Variants in CEP85L observed in about 807,000 individuals in gnomAD.
CEP85L encodes the protein centrosomal protein of 85 kDa-like.
CEP85L carries 60 observed loss-of-function variants against 100.3 expected under a neutral mutation model. The observed-to-expected ratio is 0.60, with a 90% CI of 0.49 to 0.74. The LOEUF is 0.74. Among genes scored for constraint, CEP85L ranks in the 30% least tolerant of loss-of-function variants. CEP85L has a pLI of 0.00. For synonymous variants in CEP85L, 319 were observed against 322.7 expected (o/e 0.99, Z 0.12); for missense variants, 973 against 936.2 (o/e 1.04, Z -0.51).
intron 2 of CEP85L, chr6:118,573,863 A>G (rs989889707): frequency 3.9e-5 from 6 of 152,232 alleles, no homozygotes; most frequent in Non-Finnish European, 7.3e-5. Context: ...GCCTAAATGT[A>G]ACAGCTAAAA....
chr6:118,558,286 A>G (rs1170891463), intron 3 of CEP85L, among the ~76,000 whole-genome samples: 2 of 152,150 alleles, frequency 1.3e-5, no homozygotes, highest in Non-Finnish European at 2.9e-5. Flanking sequence ...AAATGTATAC[A>G]TAGTTCATAT....
intron 3 of CEP85L, among the ~76,000 whole-genome samples, chr6:118,554,674 GC>G (rs1444691479): frequency 6.6e-6 from 1 of 152,134 alleles, no homozygotes; most frequent in African/African-American, 2.4e-5. Context: ...TAACACTAAA[GC>G]CCTATTAAAA....
rs1174546758 is a variant in CEP85L, at chr6:118,616,565, A to AG, written c.232+15887dup. Reference sequence around the variant, plus strand: ...AAAAAAAAAAAACAGGGAGTATGGGAGGGAACCTGTGCTCTGTGGCCAGGT... The same window carrying AG: ...AAAAAAAAAAAACAGGGAGTATGGGAGGGGAACCTGTGCTCTGTGGCCAGGT... On this transcript the variant is annotated intron_variant, in intron 2 of 12. Transcript: ENST00000368491. Among the ~76,000 whole-genome samples, 17 of 149,096 alleles carry AG rather than the reference A, an allele frequency of 1.1e-4. No individual in the cohort carries two copies. In the Admixed American group the frequency reaches 1.1e-3, roughly 10 times the overall value.
chr6:118,612,430 G>A (rs1163341834), intron 2 of CEP85L, among the ~76,000 whole-genome samples: 2 of 151,704 alleles, frequency 1.3e-5, no homozygotes, highest in African/African-American at 2.4e-5. Context: ...GGCCGAGGCG[G>A]GTGGATCATG....
At chr6:118,566,574 C>A (rs565636492) in intron 2 of CEP85L, among the ~76,000 whole-genome samples, 4 of 152,082 alleles carry the variant, frequency 2.6e-5, no homozygotes, top group Admixed American at 1.3e-4. Context: ...CCTGCCAGCA[C>A]GCCCGACTAA....
At chr6:118,501,838 TG>T in intron 5 of CEP85L, 2 of 1,292,254 alleles carry the variant, frequency 1.5e-6, no homozygotes, top group Non-Finnish European at 2.2e-6. Context: ...GAGAGGACTC[TG>T]GAGATGCCGA....
intron 4 of CEP85L, among the ~76,000 whole-genome samples, chr6:118,512,212 C>T (rs1776011223): frequency 6.6e-6 from 1 of 152,102 alleles, no homozygotes; most frequent in African/African-American, 2.4e-5. Context: ...GAATGGTGGT[C>T]TCCCTGAATT....
intron 3 of CEP85L, among the ~76,000 whole-genome samples, chr6:118,533,766 G>A (rs940280669): frequency 6.6e-6 from 1 of 152,132 alleles, no homozygotes; most frequent in African/African-American, 2.4e-5. Context: ...TTGGCATACG[G>A]TTTTCCCAGG....
intron 1 of CEP85L, among the ~76,000 whole-genome samples, chr6:118,674,119 A>C (rs1338052759): frequency 6.6e-6 from 1 of 152,258 alleles, no homozygotes; most frequent in Non-Finnish European, 1.5e-5. Context: ...TTTCTTAGAT[A>C]TGACACCAAA....
At chr6:118,575,029 AAAC>A (rs1780140821) in intron 2 of CEP85L, among the ~76,000 whole-genome samples, 1 of 152,116 alleles carries the variant, frequency 6.6e-6, no homozygotes, top group South Asian at 2.1e-4. Flanking sequence ...AATCTCTAGT[AAAC>A]AGAGGTTGAG....
At chr6:118,696,037 G>A (rs918494730) in intron 1 of CEP85L, among the ~76,000 whole-genome samples, 18 of 152,152 alleles carry the variant, frequency 1.2e-4, no homozygotes, top group African/African-American at 3.9e-4. Context: ...TTGGGAGGCC[G>A]AGACAGGCGG....
At chr6:118,491,220 CACACACACACACACACACAT>C (rs1046299946) in intron 6 of CEP85L, among the ~76,000 whole-genome samples, 23 of 148,558 alleles carry the variant, frequency 1.5e-4, no homozygotes, top group African/African-American at 5.5e-4. Context: ...CACACACACA[CACACACACACACACACACAT>C]ATGCATGCAT....
intron 2 of CEP85L, among the ~76,000 whole-genome samples, chr6:118,590,316 C>G (rs1430935339): frequency 1.3e-5 from 2 of 152,132 alleles, no homozygotes; most frequent in Non-Finnish European, 2.9e-5. Flanking sequence ...ACTTTATTGC[C>G]TAGCAGAAAA....
At chr6:118,613,617 C>A (rs1270395782) in intron 2 of CEP85L, among the ~76,000 whole-genome samples, 1 of 151,608 alleles carries the variant, frequency 6.6e-6, no homozygotes, top group Non-Finnish European at 1.5e-5. Context: ...ATTAGCCCGG[C>A]GTGGTGGCAC....
At chr6:118,481,705 A>C (rs1773796194) in intron 8 of CEP85L, 74 bp downstream of exon 8, 2 of 880,294 alleles carry the variant, frequency 2.3e-6, no homozygotes, top group African/African-American at 1.8e-5. Flanking sequence ...TAAAAATTAT[A>C]AATTAATTTA....
At chr6:118,594,879 A>G (rs986259097) in intron 2 of CEP85L, among the ~76,000 whole-genome samples, 16 of 135,906 alleles carry the variant, frequency 1.2e-4, no homozygotes, top group Non-Finnish European at 2.3e-4. Flanking sequence ...AACAAAACAA[A>G]ACAAAAAAAA....
At chr6:118,501,847 C>A in intron 5 of CEP85L, 1 of 1,296,972 alleles carries the variant, frequency 7.7e-7, no homozygotes, top group Non-Finnish European at 1.1e-6. Context: ...CTGGAGATGC[C>A]GAAGCACAAG....
chr6:118,538,049 AATT>A (rs771300410), intron 3 of CEP85L: 26 of 526,124 alleles, frequency 4.9e-5, no homozygotes, highest in Non-Finnish European at 5.8e-5. Flanking sequence ...GGAAAATATG[AATT>A]ATGTTATTAC....
At chr6:118,518,723 T>C (rs1291311795) in intron 4 of CEP85L, among the ~76,000 whole-genome samples, 1 of 152,246 alleles carries the variant, frequency 6.6e-6, no homozygotes, top group Non-Finnish European at 1.5e-5. Context: ...TCCAGGTCTC[T>C]ATCTCCTTCA....
Sources: allele counts gnomAD v4.1 joint callset (sites outside exome capture counted in the v4.1 genomes callset), GRCh38; gene constraint gnomAD v4.1.1; transcripts MANE v1.5; gene names NCBI Gene and HGNC (gene_info 2026-07-23, HGNC 2026-07-21).